The following TAFA1 variants were observed in gnomAD, a reference collection of about 807,000 sequenced individuals.
The protein encoded by TAFA1 is TAFA chemokine like family member 1.
Under a neutral mutation model 18.5 loss-of-function variants are expected in TAFA1, and 4 were observed. That is an observed-to-expected ratio of 0.22 (90% CI 0.11 to 0.49). The LOEUF (loss-of-function observed/expected upper bound fraction) is 0.49. TAFA1 is among the 20% of genes least tolerant of loss of function. The pLI is 0.98. For synonymous variants in TAFA1, 56 were observed against 55.2 expected (o/e 1.01, Z -0.06); for missense variants, 147 against 169.0 (o/e 0.87, Z 0.72).
At chr3:68,097,600 G>A (rs1452320127) in intron 2 of TAFA1, among the ~76,000 whole-genome samples, 1 of 152,176 alleles carries the variant, frequency 6.6e-6, no homozygotes, top group East Asian at 1.9e-4. Context: ...GATATGAGAG[G>A]AAGGAAGGCA....
chr3:68,082,197 A>G (rs2064912409), intron 2 of TAFA1, among the ~76,000 whole-genome samples: 1 of 151,392 alleles, frequency 6.6e-6, no homozygotes, highest in Non-Finnish European at 1.5e-5. Context: ...GCACCCACTG[A>G]GCTGCGCCCA....
chr3:68,079,087 G>C (rs1376132105), intron 2 of TAFA1, among the ~76,000 whole-genome samples: 1 of 152,198 alleles, frequency 6.6e-6, no homozygotes, highest in African/African-American at 2.4e-5. Context: ...AGATTTTCTA[G>C]TTTATCTGCA....
intron 2 of TAFA1, among the ~76,000 whole-genome samples, chr3:68,379,375 T>C (rs959519654): frequency 2.0e-5 from 3 of 152,244 alleles, no homozygotes; most frequent in African/African-American, 4.8e-5. Flanking sequence ...TTAAGTTCCT[T>C]ACAAATGCTG....
At chr3:68,101,419 A>G (rs1186667332) in intron 2 of TAFA1, among the ~76,000 whole-genome samples, 1 of 152,086 alleles carries the variant, frequency 6.6e-6, no homozygotes, top group Non-Finnish European at 1.5e-5. Flanking sequence ...ATCATTTAGC[A>G]TTAGGAACCA....
intron 2 of TAFA1, among the ~76,000 whole-genome samples, chr3:68,351,568 T>C (rs2069271393): frequency 6.6e-6 from 1 of 152,100 alleles, no homozygotes; most frequent in Non-Finnish European, 1.5e-5. Flanking sequence ...AGTAGCTCTC[T>C]AAGAGTGACT....
chr3:68,435,886 G>C (rs4855476), intron 3 of TAFA1, among the ~76,000 whole-genome samples: 149,501 of 152,318 alleles, frequency 0.98, 73,379 homozygotes, highest in East Asian at 1. Context: ...TACGATTAAC[G>C]TCCTGCCAGA....
chr3:68,365,094 T>C, intron 2 of TAFA1, among the ~76,000 whole-genome samples: 1 of 152,180 alleles, frequency 6.6e-6, no homozygotes, highest in Middle Eastern at 3.2e-3. Context: ...AGTAGTTGTG[T>C]TTGTTGTAGC....
intron 2 of TAFA1, among the ~76,000 whole-genome samples, chr3:68,106,597 T>C (rs1201904410): frequency 6.6e-6 from 1 of 152,052 alleles, no homozygotes; most frequent in African/African-American, 2.4e-5. Flanking sequence ...AAATTAAGCT[T>C]TATGAATACA....
intron 2 of TAFA1, among the ~76,000 whole-genome samples, chr3:68,370,031 G>A (rs1463693316): frequency 6.6e-6 from 1 of 151,508 alleles, no homozygotes; most frequent in African/African-American, 2.4e-5. Flanking sequence ...GCTCACTCCT[G>A]TAATCCCAGC....
intron 3 of TAFA1, among the ~76,000 whole-genome samples, chr3:68,425,079 C>A (rs2071025825): frequency 6.6e-6 from 1 of 151,986 alleles, no homozygotes; most frequent in Admixed American, 6.6e-5. Flanking sequence ...ATCTCAGTGA[C>A]ATGTCGGGCT....
chr3:68,511,544 G>A (rs1186984613), intron 3 of TAFA1, among the ~76,000 whole-genome samples: 1 of 151,962 alleles, frequency 6.6e-6, no homozygotes, highest in Non-Finnish European at 1.5e-5. Flanking sequence ...ATACCATGAG[G>A]TTTTCATGCC....
intron 2 of TAFA1, among the ~76,000 whole-genome samples, chr3:68,102,504 A>G (rs947234113): frequency 6.6e-6 from 1 of 152,192 alleles, no homozygotes; most frequent in East Asian, 1.9e-4. Context: ...GTTAAAATGC[A>G]CAGAAGGCTG....
rs62246067 is a variant in TAFA1 at position 68,533,585 on chromosome 3, G to A, written c.260-5171G>A. Among the ~76,000 whole-genome samples, 690 of 152,274 alleles carry A rather than the reference G, an allele frequency of 4.5e-3. 5 individuals carry two copies. The highest frequency in any genetic ancestry group is 6.9e-3 in the Non-Finnish European group (469 of 68,018). The stretch of plus-strand genomic sequence containing the variant: ...GAACAGTAAAGTATGGATTCGCCTT[G>A]TGCTTTCAGTAAAACTGCATTTTAC... On this transcript the variant is annotated intron_variant, in intron 3 of 4. Transcript: ENST00000478136.
At chr3:68,260,001 T>A (rs2067381793) in intron 2 of TAFA1, among the ~76,000 whole-genome samples, 1 of 152,158 alleles carries the variant, frequency 6.6e-6, no homozygotes, top group Non-Finnish European at 1.5e-5. Flanking sequence ...AGAGAGGGCA[T>A]CCCTGTCTTG....
At chr3:68,341,410 T>A (rs924359381) in intron 2 of TAFA1, among the ~76,000 whole-genome samples, 1 of 152,128 alleles carries the variant, frequency 6.6e-6, no homozygotes, top group African/African-American at 2.4e-5. Context: ...CTGCAAAATA[T>A]CTCAAACACT....
rs979726617 is a variant in TAFA1, at chr3:68,245,600, G to A, written c.119-171680G>A. Among the ~76,000 whole-genome samples the A allele has an allele frequency of 3.3e-5, 5 of 152,276 alleles. No homozygotes were observed. The East Asian group carries it at 5.8e-4, about 18-fold the overall frequency. On this transcript the variant is annotated intron_variant, in intron 2 of 4. Transcript: ENST00000478136. ...AGGGGATTGATAGCAGAGTTTTACC[G>A]TAGTTCCATTTTCTTTCATAAACAT...
chr3:68,251,507 CAA>C (rs1298828394), intron 2 of TAFA1, among the ~76,000 whole-genome samples: 4 of 152,000 alleles, frequency 2.6e-5, no homozygotes, highest in South Asian at 2.1e-4. Context: ...ATGAAGAAAA[CAA>C]AGATTTGCAT....
At chr3:68,065,127 A>ACT (rs1559723168) in intron 2 of TAFA1, among the ~76,000 whole-genome samples, 1 of 152,154 alleles carries the variant, frequency 6.6e-6, no homozygotes, top group Non-Finnish European at 1.5e-5. Flanking sequence ...CCCTCAAATT[A>ACT]GGGAGATCAG....
intron 2 of TAFA1, among the ~76,000 whole-genome samples, chr3:68,210,771 A>G (rs2066586909): frequency 6.6e-6 from 1 of 152,022 alleles, no homozygotes; most frequent in Non-Finnish European, 1.5e-5. Context: ...TTGGTTATCT[A>G]TTACCACATA....
Sources: allele counts gnomAD v4.1 joint callset (sites outside exome capture counted in the v4.1 genomes callset), GRCh38; gene constraint gnomAD v4.1.1; transcripts MANE v1.5; gene names NCBI Gene and HGNC (gene_info 2026-07-23, HGNC 2026-07-21).